DTX3: variants seen among roughly 807,000 people sequenced by gnomAD.
DTX3 encodes the protein E3 ubiquitin-protein ligase DTX3.
DTX3 carries 10 observed loss-of-function variants against 27.4 expected under a neutral mutation model. The ratio of observed to expected loss-of-function variants is 0.36; its 90% CI spans 0.22 to 0.62. The LOEUF is 0.62. Ranked by LOEUF, DTX3 falls within the 20% of genes least tolerant of loss-of-function variation. The probability of loss-of-function intolerance (pLI) is 0.68; values close to 1 mark genes in which losing one functional copy is unlikely to be tolerated. For missense variants in DTX3, 319 were observed against 463.8 expected, an observed-to-expected ratio of 0.69 and a Z score of 2.87; for synonymous variants, 171 against 190.7, an observed-to-expected ratio of 0.90 and a Z score of 0.85.
At position 57,608,663 on chromosome 12, in the gene DTX3, G is replaced by A. The variant is rs754343253; in HGVS notation, c.894G>A (p.Met298Ile). The change falls in exon 6 of 7, where the codon ATG (methionine) becomes ATA (isoleucine). Residue 298 changes from methionine to isoleucine, a missense_variant. Transcript: ENST00000337737. The surrounding 1 kb of genome is among the most constrained non-coding windows in gnomAD (Gnocchi z 6.1). ...QRLTFTIGTS[M>I]TTGRPNVITW... ...TCACCTTCACTATCGGCACGTCCAT[G>A]ACCACAGGGAGACCGAATGTCATCA... 6.2e-7 allele frequency: 1 copy of A among 1,614,172 alleles called. No homozygotes were observed. The highest frequency in any genetic ancestry group is 2.2e-5 in the East Asian group (1 of 44,878).
intron 6 of DTX3, 44 bp from the exon 7 acceptor site, chr12:57,609,033 T>G: frequency 6.3e-7 from 1 of 1,580,462 alleles, no homozygotes. Flanking sequence ...AATAGCAAGT[T>G]CAAACAGCTA....
At position 57,609,483 on chromosome 12, in the gene DTX3, A is replaced by G; in HGVS notation, c.*331A>G. 3.7e-6 allele frequency: 1 copy of G among 266,702 alleles called. No individual in the cohort carries two copies. The highest frequency in any genetic ancestry group is 7.3e-6 in the Non-Finnish European group (1 of 137,046). The allele number at this position is 266,702 out of a possible 1,614,324, so 16.5% of individuals were successfully genotyped here. Reference sequence around the variant, plus strand: ...CTGTGCTCCACGACCAAGCCGAGAAAGGACCTAGGGTGGGGAAGGGAGGGT... The same window carrying G: ...CTGTGCTCCACGACCAAGCCGAGAAGGGACCTAGGGTGGGGAAGGGAGGGT... On this transcript the variant is annotated 3_prime_UTR_variant, in exon 7 of 7. Transcript: ENST00000337737.
chr12:57,608,499 T>G lies in DTX3; in HGVS notation c.751-21T>G. On this transcript the variant is annotated intron_variant, in intron 5 of 6. Transcript: ENST00000337737. The surrounding 1 kb of genome is among the most constrained non-coding windows in gnomAD (Gnocchi z 6.1). ...GGATGCCTGGCTGCTCACTGCCCAC[T>G]CTGCTTCACCTTCCTCCCAGGCTGA... 6.3e-7 allele frequency: 1 copy of G among 1,579,584 alleles called. No individual in the cohort carries two copies. Among genetic ancestry groups the G allele is most frequent in the Non-Finnish European group, 8.6e-7 (1 of 1,157,660 alleles).
chr12:57,606,967 C>G lies in DTX3; in HGVS notation c.104C>G (p.Ala35Gly), dbSNP rs1267832827. Residue 35 changes from alanine (A) to glycine (G), a missense_variant, in exon 5 of 7, where the codon GCC (alanine) becomes GGC (glycine). Transcript: ENST00000337737. ...VWDFLSKETP[A>G]RLARLREEHR... is the part of the protein sequence containing the mutation. ...GACTTCCTGAGCAAAGAGACCCCAG[C>G]CCGGCTGGCCCGGCTTCGGGAGGAG... The G allele has an allele frequency of 6.2e-7, 1 of 1,614,236 alleles. No homozygotes were observed. The highest frequency in any genetic ancestry group is 1.7e-5 in the Admixed American group (1 of 60,032).
rs1375640448 is a variant in DTX3 at position 57,607,005 on chromosome 12, A to G, written c.142A>G (p.Ile48Val). The change falls in exon 5 of 7, where the codon ATC becomes GTC. Residue 48 changes from isoleucine (I) to valine (V), a missense_variant. This residue lies in a region of DTX3 where 202 missense variants were observed against 205.3 expected (regional missense o/e 0.98). Transcript: ENST00000337737. This position sits in a 1 kb window ranked among gnomAD's most constrained non-coding sequence, Gnocchi z 7.7. ...GCTTCGGGAGGAGCACCGTGTGTCC[A>G]TCCTCATAGATGGCGAGACTTCTGA... ...ARLREEHRVS[I>V]LIDGETSDIY... is the part of the protein sequence containing the mutation. 1.2e-6 allele frequency: 2 copies of G among 1,614,054 alleles called. No individual in the cohort carries two copies. Among genetic ancestry groups the G allele is most frequent in the African/African-American group, 2.7e-5 (2 of 74,926 alleles).
In DTX3 at chr12:57,609,291, A is replaced by C; in HGVS notation, c.*139A>C. 3 of 753,124 alleles carry C rather than the reference A, an allele frequency of 4.0e-6. No homozygotes were observed. The highest frequency in any genetic ancestry group is 4.5e-6 in the Non-Finnish European group (2 of 447,464). The allele number at this position is 753,124 out of a possible 1,614,324, so 46.7% of individuals were successfully genotyped here. On this transcript the variant is annotated 3_prime_UTR_variant, in exon 7 of 7. Transcript: ENST00000337737. Reference sequence around the variant, plus strand: ...GACTGGGAAGGGAGTTCCGAGAGGGAGGGGGCAATCCCTTCCCCCATCCCC... The same window carrying C: ...GACTGGGAAGGGAGTTCCGAGAGGGCGGGGGCAATCCCTTCCCCCATCCCC...
intron 1 of DTX3, 62 bp downstream of exon 1, chr12:57,604,920 C>G (rs968964061): frequency 6.6e-6 from 1 of 151,724 alleles, no homozygotes; most frequent in South Asian, 2.1e-4. Flanking sequence ...TCGCACCCCT[C>G]ACGCGCCCCC....
Position 57,607,647 on chromosome 12 carries a change from C to G in DTX3, c.750+34C>G, listed in dbSNP as rs1555182801. On this transcript the variant is annotated intron_variant, in intron 5 of 6. Transcript: ENST00000337737. This position sits in a 1 kb window ranked among gnomAD's most constrained non-coding sequence, Gnocchi z 7.7. ...ACCATGGCCTGCCCTTACCCTTTGG[C>G]TTTCCCCAAGCTCTGACCTAGGAAA... 6.2e-7 allele frequency: 1 copy of G among 1,613,624 alleles called. No individual in the cohort carries two copies. The highest frequency in any genetic ancestry group is 8.5e-7 in the Non-Finnish European group (1 of 1,179,820).
rs1288434637 is a variant in DTX3 at position 57,609,245 on chromosome 12, A to G, written c.*93A>G. On this transcript the variant is annotated 3_prime_UTR_variant, in exon 7 of 7. Transcript: ENST00000337737. ...CTCTCTGCCCCCTGCCCCCCACACC[A>G]CACCTGTAGGGGACCTGTCTGACTG... is the stretch of plus-strand genomic sequence containing the variant. 2.6e-6 allele frequency: 3 copies of G among 1,151,106 alleles called. No homozygotes were observed. Among genetic ancestry groups the G allele is most frequent in the Non-Finnish European group, 3.9e-6 (3 of 778,212 alleles). 71.3% of individuals were successfully genotyped at this position (1,151,106 alleles called of 1,614,324 possible).
chr12:57,606,551 C>A, intron 4 of DTX3, 33 bp downstream of exon 4: 1 of 1,609,408 alleles, frequency 6.2e-7, no homozygotes, highest in African/African-American at 1.3e-5. Context: ...GAGTCTCCCT[C>A]CCCTTTAAAC....
chr12:57,606,598 G>A (rs1180026493), intron 4 of DTX3, 80 bp downstream of exon 4: 39 of 1,560,036 alleles, frequency 2.5e-5, no homozygotes, highest in Non-Finnish European at 2.9e-5. Context: ...GGGGCAAGTT[G>A]TTTCTATGAT....
intron 3 of DTX3, 92 bp downstream of exon 3, chr12:57,606,344 C>T (rs1396042555): frequency 2.4e-6 from 2 of 844,610 alleles, no homozygotes; most frequent in Non-Finnish European, 3.7e-6. Context: ...GTAACCTATA[C>T]CCAGGTTTCT....
In DTX3 at chr12:57,607,455, G is replaced by C; in HGVS notation, c.592G>C (p.Ala198Pro). ...CITRALQVKKACPMCGRFYGQ... is the reference protein window; with the variant it reads ...CITRALQVKKPCPMCGRFYGQ... ...CACCCGGGCTCTGCAGGTGAAAAAG[G>C]CCTGCCCCATGTGCGGCCGCTTCTA... The change falls in exon 5 of 7, where the codon GCC (alanine) becomes CCC (proline). Residue 198 changes from alanine to proline, a missense_variant. Physicochemically the swap from Ala to Pro is conservative, Grantham distance 27 (BLOSUM62 -1). Around this residue, in one of 2 missense-constraint regions of DTX3, gnomAD observed 117 missense variants for 258.5 expected, o/e 0.45. Coordinates refer to ENST00000337737, the MANE Select transcript of DTX3 (RefSeq NM_178502.4). The surrounding 1 kb of genome is among the most constrained non-coding windows in gnomAD (Gnocchi z 7.7). 1 of 1,614,158 alleles carries C rather than the reference G, an allele frequency of 6.2e-7. No homozygotes were observed. Among genetic ancestry groups the C allele is most frequent in the Non-Finnish European group, 8.5e-7 (1 of 1,180,020 alleles).
At position 57,607,135 on chromosome 12, in the gene DTX3, AAG is replaced by A; in HGVS notation, c.275_276del (p.Glu92AlafsTer24). 6.2e-7 allele frequency: 1 copy of A among 1,614,226 alleles called. No homozygotes were observed. The highest frequency in any genetic ancestry group is 8.5e-7 in the Non-Finnish European group (1 of 1,180,038). ...AAGGGGCTGCTAAAAGAGGCAGAGA[AAG>A]AGCTGAAGAAAGCTCAGAGGCAGGG... On this transcript the variant is annotated frameshift_variant, in exon 5 of 7. Transcript: ENST00000337737. LOFTEE classifies it high-confidence loss of function. This position sits in a 1 kb window ranked among gnomAD's most constrained non-coding sequence, Gnocchi z 7.7.
In DTX3 at chr12:57,608,945, C is replaced by A; in HGVS notation, c.969-132C>A. ...AATAAGCAGAACTGGGCTAAATTAT[C>A]TTGGATTTGGAGGTGTCCTCCCTTA... is the stretch of plus-strand genomic sequence containing the variant. On this transcript the variant is annotated intron_variant, in intron 6 of 6. Coordinates refer to ENST00000337737, the MANE Select transcript of DTX3 (RefSeq NM_178502.4). The surrounding 1 kb of genome is among the most constrained non-coding windows in gnomAD (Gnocchi z 6.1). 1.8e-6 allele frequency: 2 copies of A among 1,081,412 alleles called. No homozygotes were observed. Among genetic ancestry groups the A allele is most frequent in the Non-Finnish European group, 1.4e-6 (1 of 718,830 alleles). The allele number at this position is 1,081,412 out of a possible 1,614,324, so 67.0% of individuals were successfully genotyped here.
rs1293855901 is a variant in DTX3, at chr12:57,607,673, A to G, written c.750+60A>G. 6.2e-5 allele frequency: 99 copies of G among 1,606,532 alleles called. No individual in the cohort carries two copies. Among genetic ancestry groups the G allele is most frequent in the Non-Finnish European group, 8.0e-5 (94 of 1,174,132 alleles). On this transcript the variant is annotated intron_variant, in intron 5 of 6. Transcript: ENST00000337737. The surrounding 1 kb of genome is among the most constrained non-coding windows in gnomAD (Gnocchi z 7.7). ...TTTCCCCAAGCTCTGACCTAGGAAAACCGGGTGAGGGTGAGTGTGCTTGTT... is the reference window on the plus strand; with the variant it reads ...TTTCCCCAAGCTCTGACCTAGGAAAGCCGGGTGAGGGTGAGTGTGCTTGTT...
intron 4 of DTX3, 92 bp downstream of exon 4, chr12:57,606,610 TG>T: frequency 6.5e-7 from 1 of 1,534,962 alleles, no homozygotes; most frequent in Non-Finnish European, 8.9e-7. Flanking sequence ...TTCTATGATC[TG>T]GGAGAAATGA....
rs1182003128 is a variant in DTX3, at chr12:57,608,237, A to T, written c.751-283A>T. 6.6e-6 allele frequency among the ~76,000 whole-genome samples: 1 copy of T among 151,524 alleles called. No homozygotes were observed. Among genetic ancestry groups the T allele is most frequent in the Non-Finnish European group, 1.5e-5 (1 of 67,806 alleles). Reference sequence around the variant, plus strand: ...GTTGTCTGGAGTGTAGGGACCAGCTAACTTCCATCACTTCTGAGAATCCAT... The same window carrying T: ...GTTGTCTGGAGTGTAGGGACCAGCTTACTTCCATCACTTCTGAGAATCCAT... On this transcript the variant is annotated intron_variant, in intron 5 of 6. Coordinates refer to ENST00000337737, the MANE Select transcript of DTX3 (RefSeq NM_178502.4). This position sits in a 1 kb window ranked among gnomAD's most constrained non-coding sequence, Gnocchi z 6.1.
chr12:57,607,734 C>G lies in DTX3; in HGVS notation c.750+121C>G, dbSNP rs1883808060. The G allele has an allele frequency of 7.3e-7, 1 of 1,364,256 alleles. No homozygotes were observed. Among genetic ancestry groups the G allele is most frequent in the African/African-American group, 1.4e-5 (1 of 70,180 alleles). 84.5% of individuals were successfully genotyped at this position (1,364,256 alleles called of 1,614,324 possible). Reference sequence around the variant, plus strand: ...CAGTCTTGCTGTCTTCCACTGTGCCCTCCTACTCAGTGCCCTGGACCTAGG... The same window carrying G: ...CAGTCTTGCTGTCTTCCACTGTGCCGTCCTACTCAGTGCCCTGGACCTAGG... On this transcript the variant is annotated intron_variant, in intron 5 of 6. Transcript: ENST00000337737. The surrounding 1 kb of genome is among the most constrained non-coding windows in gnomAD (Gnocchi z 7.7).
Sources: allele counts gnomAD v4.1 joint callset (sites outside exome capture counted in the v4.1 genomes callset), GRCh38; gene constraint gnomAD v4.1.1; regional missense constraint gnomAD v4.1.1; non-coding constraint Gnocchi (gnomAD v3.1); transcripts MANE v1.5; gene names NCBI Gene and HGNC (gene_info 2026-07-23, HGNC 2026-07-21).